The following CACNB4 variants were observed in gnomAD, a reference collection of about 807,000 sequenced individuals.
CACNB4 encodes calcium voltage-gated channel auxiliary subunit beta 4, also known as voltage-dependent L-type calcium channel subunit beta-4.
Under a neutral mutation model 71.2 loss-of-function variants are expected in CACNB4, and 32 were observed. The observed-to-expected ratio is 0.45, with a 90% CI of 0.34 to 0.60. CACNB4 has a LOEUF of 0.60. Among genes scored for constraint, CACNB4 ranks in the 20% least tolerant of loss-of-function variants. The pLI, the probability that CACNB4 is intolerant of heterozygous loss-of-function variation, is 0.01. For missense variants in CACNB4, 464 were observed against 647.9 expected, an observed-to-expected ratio of 0.72 and a Z score of 3.08; for synonymous variants, 231 against 236.9, an observed-to-expected ratio of 0.97 and a Z score of 0.23.
At chr2:152,023,662 T>C (rs1411539629) in intron 2 of CACNB4, among the ~76,000 whole-genome samples, 1 of 151,914 alleles carries the variant, frequency 6.6e-6, no homozygotes, top group Non-Finnish European at 1.5e-5. Context: ...CTCCAACTCC[T>C]CATCTCAGGT....
chr2:151,933,841 C>T (rs1313085437), intron 2 of CACNB4, among the ~76,000 whole-genome samples: 3 of 152,128 alleles, frequency 2.0e-5, no homozygotes, highest in Non-Finnish European at 4.4e-5. Flanking sequence ...TTTTCTAAGG[C>T]AGCTATTCCT....
intron 2 of CACNB4, among the ~76,000 whole-genome samples, chr2:152,092,532 T>C (rs1249627663): frequency 6.6e-6 from 1 of 152,184 alleles, no homozygotes; most frequent in Non-Finnish European, 1.5e-5. Flanking sequence ...AGGTAGATGG[T>C]TCCAACAATG....
rs571649870 is a variant in CACNB4, at chr2:152,083,297, C to T, written c.147+15033G>A. 3.3e-5 allele frequency among the ~76,000 whole-genome samples: 5 copies of T among 151,450 alleles called. No individual in the cohort carries two copies. In the South Asian group the frequency reaches 1.0e-3, roughly 32 times the overall value. On this transcript the variant is annotated intron_variant, in intron 2 of 13. Transcript: ENST00000539935. ...GTGCTGCCAGGGACAGTATTTAAAG[C>T]CCCATTAGCTGCAAAAAGAAAGCAA...
chr2:151,943,718 T>C (rs1442737731), intron 2 of CACNB4, among the ~76,000 whole-genome samples: 1 of 152,044 alleles, frequency 6.6e-6, no homozygotes, highest in Non-Finnish European at 1.5e-5. Flanking sequence ...CTCCAGAAAA[T>C]AGCCAGGAGG....
At chr2:152,028,726 T>C (rs2105172068) in intron 2 of CACNB4, among the ~76,000 whole-genome samples, 1 of 152,006 alleles carries the variant, frequency 6.6e-6, no homozygotes, top group African/African-American at 2.4e-5. Flanking sequence ...TTTGGGAGAG[T>C]CACAAGGAAA....
intron 2 of CACNB4, among the ~76,000 whole-genome samples, chr2:151,953,826 AT>A (rs1374222765): frequency 6.6e-6 from 1 of 152,200 alleles, no homozygotes; most frequent in East Asian, 1.9e-4. Flanking sequence ...TGAACTTTTC[AT>A]TTAGATGCTC....
chr2:152,036,338 C>T (rs1371956016), intron 2 of CACNB4, among the ~76,000 whole-genome samples: 2 of 152,172 alleles, frequency 1.3e-5, no homozygotes, highest in African/African-American at 4.8e-5. Context: ...CTTGCTCTGT[C>T]TCCCAGGCAG....
intron 2 of CACNB4, among the ~76,000 whole-genome samples, chr2:151,920,133 T>C (rs1478184649): frequency 4.9e-5 from 6 of 121,850 alleles, no homozygotes; most frequent in Non-Finnish European, 9.1e-5. Context: ...TTTTCCTTTG[T>C]AAATAGAAAT....
At chr2:151,995,215 T>C (rs7607621) in intron 2 of CACNB4, among the ~76,000 whole-genome samples, 73,195 of 135,418 alleles carry the variant, frequency 0.54, 20,333 homozygotes, top group Non-Finnish European at 0.64. Flanking sequence ...ACACCAGGAG[T>C]GTTTTGGGTA....
intron 2 of CACNB4, among the ~76,000 whole-genome samples, chr2:151,985,900 C>T (rs1033058542): frequency 2.6e-5 from 4 of 152,096 alleles, no homozygotes; most frequent in African/African-American, 9.7e-5. Flanking sequence ...ATCTCTGGAG[C>T]TTTTGAAAAA....
At chr2:152,010,391 T>C (rs778422824) in intron 2 of CACNB4, among the ~76,000 whole-genome samples, 2 of 152,178 alleles carry the variant, frequency 1.3e-5, no homozygotes, top group African/African-American at 2.4e-5. Flanking sequence ...GCTTTGGGAC[T>C]TGAGATCATT....
intron 2 of CACNB4, among the ~76,000 whole-genome samples, chr2:151,934,465 A>G (rs942022132): frequency 3.9e-5 from 6 of 152,310 alleles, no homozygotes; most frequent in Non-Finnish European, 8.8e-5. Flanking sequence ...ATCTCATTCC[A>G]CTTTACAAAG....
intron 2 of CACNB4, among the ~76,000 whole-genome samples, chr2:151,891,837 C>T (rs2099850780): frequency 6.6e-6 from 1 of 152,176 alleles, no homozygotes; most frequent in Non-Finnish European, 1.5e-5. Context: ...TTACTATATA[C>T]AGGTCACAGA....
At chr2:151,848,144 T>C (rs989700474) in intron 12 of CACNB4, among the ~76,000 whole-genome samples, 1 of 152,196 alleles carries the variant, frequency 6.6e-6, no homozygotes, top group African/African-American at 2.4e-5. Flanking sequence ...AGGTATCCCA[T>C]GCTTCTGTTA....
intron 2 of CACNB4, among the ~76,000 whole-genome samples, chr2:151,976,885 C>T (rs1254596309): frequency 9.8e-5 from 15 of 152,292 alleles, no homozygotes; most frequent in Admixed American, 9.2e-4. Flanking sequence ...TCTATGGATT[C>T]CAGCAAGTTC....
intron 2 of CACNB4, among the ~76,000 whole-genome samples, chr2:151,924,703 T>C (rs964341257): frequency 2.0e-5 from 3 of 152,198 alleles, no homozygotes; most frequent in African/African-American, 7.2e-5. Context: ...TATATTTACC[T>C]TAGAAAGTTT....
At chr2:151,874,465 G>GAA (rs539399524) in intron 5 of CACNB4, among the ~76,000 whole-genome samples, 5 of 78,722 alleles carry the variant, frequency 6.4e-5, no homozygotes, top group African/African-American at 4.7e-5. Flanking sequence ...GAGACTCTAA[G>GAA]AAAAAAAAAA....
intron 2 of CACNB4, among the ~76,000 whole-genome samples, chr2:152,045,043 G>A (rs375365671): frequency 1.3e-5 from 2 of 152,056 alleles, no homozygotes; most frequent in Non-Finnish European, 2.9e-5. Context: ...GATGATATTG[G>A]TCTGGCTTAC....
intron 12 of CACNB4, among the ~76,000 whole-genome samples, chr2:151,847,355 C>A (rs929608171): frequency 1.3e-5 from 2 of 151,894 alleles, no homozygotes; most frequent in Non-Finnish European, 2.9e-5. Flanking sequence ...CAGAGCAAGA[C>A]CCTGTCTCAA....
Sources: gnomAD v4.1 joint callset for allele counts (sites outside exome capture counted in the v4.1 genomes callset) on GRCh38, gnomAD v4.1.1 for gene constraint, MANE v1.5 for transcripts, NCBI Gene and HGNC (gene_info 2026-07-23, HGNC 2026-07-21) for gene names.